The following SPEF2 variants were observed in gnomAD, a reference collection of about 807,000 sequenced individuals.
The protein encoded by SPEF2 is sperm flagella and cilia-associated protein 2.
Under a neutral mutation model 224.6 loss-of-function variants are expected in SPEF2, and 187 were observed. The observed-to-expected ratio is 0.83, with a 90% CI of 0.74 to 0.94. The LOEUF is 0.94. Ranked by LOEUF, SPEF2 falls within the 40% of genes least tolerant of loss-of-function variation. SPEF2 has a pLI of 0.00. For synonymous variants in SPEF2, 715 were observed against 707.3 expected, an observed-to-expected ratio of 1.01 and a Z score of -0.17; for missense variants, 2,170 against 2,135.6, an observed-to-expected ratio of 1.02 and a Z score of -0.32.
At chr5:35,688,114 T>C (rs1753920675) in intron 10 of SPEF2, among the ~76,000 whole-genome samples, 1 of 152,156 alleles carries the variant, frequency 6.6e-6, no homozygotes, top group Non-Finnish European at 1.5e-5. Flanking sequence ...CATAGCAAAG[T>C]CTGACAAGAA....
intron 10 of SPEF2, among the ~76,000 whole-genome samples, 173 bp from the exon 11 acceptor site, chr5:35,690,864 T>G (rs1267359409): frequency 6.6e-6 from 1 of 152,188 alleles, no homozygotes; most frequent in East Asian, 1.9e-4. Flanking sequence ...AGCATTTTTC[T>G]GCCCTGTAAT....
At position 35,793,201 on chromosome 5, in the gene SPEF2, G is replaced by A. The variant is rs200747497; in HGVS notation, c.4597G>A (p.Val1533Met). 3.8e-5 allele frequency: 61 copies of A among 1,614,078 alleles called. No homozygotes were observed. The highest frequency in any genetic ancestry group is 1.0e-4 in the Admixed American group (6 of 60,020). The change falls in exon 32 of 37, where the codon GTG becomes ATG. Residue 1533 changes from valine (V) to methionine (M), a missense_variant. By Grantham distance (21) the Val-to-Met change is conservative. Coordinates refer to ENST00000356031, the MANE Select transcript of SPEF2 (RefSeq NM_024867.4). ...TTTATTAACAGTCAACTCCGAGTTCGTGGACTGGCGGAAGTTCCTGTTAGT... is the reference window on the plus strand; with the variant it reads ...TTTATTAACAGTCAACTCCGAGTTCATGGACTGGCGGAAGTTCCTGTTAGT... ...TSLLTVNSEF[V>M]DWRKFLLVTS...
intron 16 of SPEF2, among the ~76,000 whole-genome samples, chr5:35,704,106 G>A (rs1019446231): frequency 6.6e-6 from 1 of 152,026 alleles, no homozygotes; most frequent in Non-Finnish European, 1.5e-5. Flanking sequence ...ATTCTACAGG[G>A]AGATCATAAA....
chr5:35,742,407 T>C (rs991501857), intron 23 of SPEF2, among the ~76,000 whole-genome samples: 3 of 152,076 alleles, frequency 2.0e-5, no homozygotes, highest in African/African-American at 7.2e-5. Context: ...TTTACAAATT[T>C]GAAAACTTTA....
intron 2 of SPEF2, among the ~76,000 whole-genome samples, chr5:35,629,207 G>A (rs1307642456): frequency 7.6e-6 from 1 of 131,706 alleles, no homozygotes; most frequent in East Asian, 2.3e-4. Context: ...AGGTTGGAGT[G>A]CAGTGGTGTG....
At chr5:35,730,401 C>T (rs1350969652) in intron 21 of SPEF2, among the ~76,000 whole-genome samples, 1 of 152,246 alleles carries the variant, frequency 6.6e-6, no homozygotes. Flanking sequence ...CATGTAGTGC[C>T]CTCACTCACA....
At chr5:35,765,226 T>C (rs537293990) in intron 26 of SPEF2, among the ~76,000 whole-genome samples, 8 of 152,350 alleles carry the variant, frequency 5.3e-5, no homozygotes, top group African/African-American at 1.9e-4. Context: ...TTGTCTTTTT[T>C]GTGTCTTATT....
chr5:35,665,860 C>T (rs1750399387), intron 8 of SPEF2, among the ~76,000 whole-genome samples: 1 of 152,098 alleles, frequency 6.6e-6, no homozygotes, highest in African/African-American at 2.4e-5. Context: ...TTAGTGATCA[C>T]CCAGCTTAAC....
intron 24 of SPEF2, 76 bp downstream of exon 24, chr5:35,753,837 C>A: frequency 6.4e-7 from 1 of 1,570,500 alleles, no homozygotes; most frequent in South Asian, 1.1e-5. Flanking sequence ...ATGACACTTT[C>A]TTGGGAATAT....
At chr5:35,788,139 A>G in intron 30 of SPEF2, 1 of 703,006 alleles carries the variant, frequency 1.4e-6, no homozygotes, top group Non-Finnish European at 2.6e-6. Context: ...AGCGAGGCTC[A>G]TGCCAAGGCC....
intron 21 of SPEF2, among the ~76,000 whole-genome samples, chr5:35,731,834 G>T (rs140050153): frequency 6.5e-4 from 99 of 152,252 alleles, no homozygotes; most frequent in African/African-American, 2.3e-3. Context: ...ACATCTGTAA[G>T]TTCAAGTTCC....
At chr5:35,804,390 T>C (rs1240812527) in intron 34 of SPEF2, among the ~76,000 whole-genome samples, 1 of 152,252 alleles carries the variant, frequency 6.6e-6, no homozygotes, top group Non-Finnish European at 1.5e-5. Context: ...TAATTGCTCA[T>C]TCAAAAGTAC....
chr5:35,640,995 T>A (rs1467828966), intron 2 of SPEF2, among the ~76,000 whole-genome samples: 1 of 152,318 alleles, frequency 6.6e-6, no homozygotes, highest in East Asian at 1.9e-4. Flanking sequence ...TTTGTCTGTA[T>A]GTATAAATGT....
At chr5:35,701,779 G>A (rs750044324) in intron 16 of SPEF2, among the ~76,000 whole-genome samples, 1 of 152,154 alleles carries the variant, frequency 6.6e-6, no homozygotes, top group Non-Finnish European at 1.5e-5. Context: ...AGGAGTTTGA[G>A]ATCAGCCTAG....
intron 25 of SPEF2, among the ~76,000 whole-genome samples, chr5:35,760,212 A>T (rs1410658897): frequency 6.6e-6 from 1 of 152,004 alleles, no homozygotes; most frequent in Non-Finnish European, 1.5e-5. Flanking sequence ...ATACAAAAAA[A>T]ATTAGCCGGG....
At chr5:35,713,304 G>A (rs2149603565) in intron 20 of SPEF2, among the ~76,000 whole-genome samples, 1 of 152,178 alleles carries the variant, frequency 6.6e-6, no homozygotes, top group African/African-American at 2.4e-5. Flanking sequence ...AACTAAGAAA[G>A]GAGCCTTGGT....
intron 3 of SPEF2, 32 bp from the exon 4 acceptor site, chr5:35,644,323 A>G (rs748497184): frequency 6.8e-7 from 1 of 1,472,590 alleles, no homozygotes; most frequent in Non-Finnish European, 9.0e-7. Flanking sequence ...TTATTCTCTA[A>G]TAAAATCTTT....
chr5:35,766,392 A>G (rs943996863), intron 26 of SPEF2, among the ~76,000 whole-genome samples: 1 of 151,910 alleles, frequency 6.6e-6, no homozygotes, highest in African/African-American at 2.4e-5. Context: ...TTTTTGGTAG[A>G]TATTATTTTG....
At position 35,715,816 on chromosome 5, in the gene SPEF2, C is replaced by CCTTTTTTTTT. The variant is rs70973054; in HGVS notation, c.2914+2930_2914+2931insCTTTTTTTTT. ...TCTGTGAAATAGGGGGATATAATTT[C>CCTTTTTTTTT]TTTTTTTTTTTTTTTTTGAGACAGA... On this transcript the variant is annotated intron_variant, in intron 20 of 36. Coordinates refer to ENST00000356031, the MANE Select transcript of SPEF2 (RefSeq NM_024867.4). Among the ~76,000 whole-genome samples the CCTTTTTTTTT allele has an allele frequency of 2.3e-4, 27 of 117,940 alleles. 5 individuals are homozygous for CCTTTTTTTTT. The highest frequency in any genetic ancestry group is 7.8e-4 in the South Asian group (3 of 3,852). 77.4% of individuals were successfully genotyped at this position (117,940 alleles called of 152,430 possible).
Sources: allele counts gnomAD v4.1 joint callset (sites outside exome capture counted in the v4.1 genomes callset), GRCh38; gene constraint gnomAD v4.1.1; transcripts MANE v1.5; gene names NCBI Gene and HGNC (gene_info 2026-07-23, HGNC 2026-07-21).